Variants in ASIC2 observed in about 807,000 individuals in gnomAD.
The protein encoded by ASIC2 is acid sensing ion channel subunit 2.
Under a neutral mutation model 57.3 loss-of-function variants are expected in ASIC2, and 25 were observed. That is an observed-to-expected ratio of 0.44 (90% confidence interval 0.32 to 0.61). ASIC2 has a LOEUF of 0.61. Ranked by LOEUF, ASIC2 falls within the 20% of genes least tolerant of loss-of-function variation. The pLI, the probability that ASIC2 is intolerant of heterozygous loss-of-function variation, is 0.06. For missense variants in ASIC2, 641 were observed against 738.1 expected (o/e 0.87, Z 1.52); for synonymous variants, 319 against 307.5 (o/e 1.04, Z -0.39).
intron 3 of ASIC2, among the ~76,000 whole-genome samples, chr17:33,051,259 T>C (rs1567727191): frequency 6.6e-6 from 1 of 152,170 alleles, no homozygotes; most frequent in Non-Finnish European, 1.5e-5. Flanking sequence ...TTTCTAGAAA[T>C]AATTTAGCAG....
At chr17:33,390,999 G>A (rs1020033625) in intron 1 of ASIC2, among the ~76,000 whole-genome samples, 4 of 152,208 alleles carry the variant, frequency 2.6e-5, no homozygotes, top group Non-Finnish European at 5.9e-5. Context: ...TCTCCAGGAT[G>A]GAGCAGCTGG....
chr17:33,328,722 G>A (rs928802526), intron 1 of ASIC2, among the ~76,000 whole-genome samples: 5 of 151,992 alleles, frequency 3.3e-5, no homozygotes, highest in African/African-American at 1.2e-4. Flanking sequence ...GAAAAATCAG[G>A]CCAAAAAGCT....
chr17:33,536,815 T>G (rs1915245864), intron 1 of ASIC2, among the ~76,000 whole-genome samples: 1 of 152,112 alleles, frequency 6.6e-6, no homozygotes, highest in Non-Finnish European at 1.5e-5. Context: ...AAGTCCAACC[T>G]GGGCAACATG....
intron 1 of ASIC2, among the ~76,000 whole-genome samples, chr17:33,745,985 G>A (rs1318092235): frequency 6.6e-6 from 1 of 151,950 alleles, no homozygotes; most frequent in Admixed American, 6.6e-5. Context: ...TTGCATTGTT[G>A]CACCTGTAAT....
At chr17:34,048,501 G>T (rs1293451887) in intron 1 of ASIC2, among the ~76,000 whole-genome samples, 1 of 152,192 alleles carries the variant, frequency 6.6e-6, no homozygotes, top group Non-Finnish European at 1.5e-5. Context: ...TGCTGAAGCT[G>T]CCTATCTGCC....
chr17:33,154,600 A>C (rs1904926082), intron 1 of ASIC2, among the ~76,000 whole-genome samples: 1 of 152,174 alleles, frequency 6.6e-6, no homozygotes, highest in Non-Finnish European at 1.5e-5. Flanking sequence ...AATGAAACCT[A>C]GGCCTACTGA....
intron 1 of ASIC2, among the ~76,000 whole-genome samples, chr17:33,288,715 G>GACACAC (rs56013728): frequency 0.021 from 3,020 of 143,574 alleles, 31 homozygotes; most frequent in Middle Eastern, 0.039. Flanking sequence ...AGCTCTCTCT[G>GACACAC]ACACACACAC....
chr17:33,295,546 A>G (rs1049451793), upstream of ASIC2, among the ~76,000 whole-genome samples: 6 of 152,166 alleles, frequency 3.9e-5, no homozygotes, highest in African/African-American at 1.2e-4. Flanking sequence ...TGTTTTTCCT[A>G]TGATCCCAGC....
intron 1 of ASIC2, among the ~76,000 whole-genome samples, chr17:33,286,274 G>T (rs887311078): frequency 6.6e-6 from 1 of 152,202 alleles, no homozygotes; most frequent in Non-Finnish European, 1.5e-5. Flanking sequence ...TGAACTCAAG[G>T]TTAACTCTTG....
At chr17:33,230,116 G>A (rs1908031832) in intron 1 of ASIC2, among the ~76,000 whole-genome samples, 1 of 152,196 alleles carries the variant, frequency 6.6e-6, no homozygotes, top group South Asian at 2.1e-4. Flanking sequence ...TACACACACA[G>A]GCTGGCCATT....
intron 1 of ASIC2, chr17:34,071,888 T>C (rs192814808): frequency 6.6e-6 from 1 of 151,952 alleles, no homozygotes; most frequent in East Asian, 1.9e-4. Flanking sequence ...GAAAGAAAGA[T>C]TCTGGCTAAG....
chr17:33,556,923 C>T (rs1915925117), intron 1 of ASIC2, among the ~76,000 whole-genome samples: 1 of 152,180 alleles, frequency 6.6e-6, no homozygotes, highest in African/African-American at 2.4e-5. Flanking sequence ...TGAGAGGTGC[C>T]TTAAGTGTAA....
At chr17:33,298,832 A>G (rs983903963) in intron 1 of ASIC2, among the ~76,000 whole-genome samples, 12 of 152,208 alleles carry the variant, frequency 7.9e-5, no homozygotes, top group African/African-American at 2.9e-4. Flanking sequence ...GTGAACTCCC[A>G]TTCACAATTG....
rs1038290640 is a variant in ASIC2 at position 33,988,947 on chromosome 17, G to C, written c.555+167031C>G. On this transcript the variant is annotated intron_variant, in intron 1 of 9. Coordinates refer to the ASIC2 transcript ENST00000359872. ...CTGAGCCAAAACTTTGCCCCAAATT[G>C]TTCCCTTGCCTGGCTTCTTCCACTT... is the stretch of plus-strand genomic sequence containing the variant. 4.6e-5 allele frequency among the ~76,000 whole-genome samples: 7 copies of C among 151,994 alleles called. No homozygotes were observed. The South Asian group carries it at 1.2e-3, about 27-fold the overall frequency.
intron 1 of ASIC2, among the ~76,000 whole-genome samples, chr17:33,198,595 G>A (rs998471813): frequency 7.2e-5 from 11 of 152,132 alleles, no homozygotes; most frequent in Non-Finnish European, 1.6e-4. Context: ...CTACAACACT[G>A]CCTGGCATAC....
chr17:33,644,846 G>A (rs925462395), intron 1 of ASIC2, among the ~76,000 whole-genome samples: 2 of 152,174 alleles, frequency 1.3e-5, no homozygotes, highest in African/African-American at 4.8e-5. Flanking sequence ...GTGTTCATTG[G>A]CTTGATTGAA....
intron 1 of ASIC2, among the ~76,000 whole-genome samples, chr17:33,977,416 G>A (rs73276675): frequency 0.013 from 1,976 of 152,272 alleles, 43 homozygotes; most frequent in African/African-American, 0.045. Flanking sequence ...TTCCCATTTT[G>A]CAAAAGTGAA....
intron 1 of ASIC2, among the ~76,000 whole-genome samples, chr17:34,030,531 C>T (rs567533283): frequency 6.6e-5 from 10 of 152,284 alleles, no homozygotes; most frequent in Admixed American, 3.9e-4. Flanking sequence ...TGCAGTGCAC[C>T]GTGCGCGAGC....
At chr17:33,610,202 C>T (rs766539034) in intron 1 of ASIC2, among the ~76,000 whole-genome samples, 16 of 152,294 alleles carry the variant, frequency 1.1e-4, no homozygotes, top group Non-Finnish European at 2.4e-4. Flanking sequence ...CTGTTGCCCA[C>T]GCTAGAGTGC....
Sources: gnomAD v4.1 joint callset for allele counts (sites outside exome capture counted in the v4.1 genomes callset) on GRCh38, gnomAD v4.1.1 for gene constraint, MANE v1.5 for transcripts, NCBI Gene and HGNC (gene_info 2026-07-23, HGNC 2026-07-21) for gene names.